The following ADAMTSL1 variants were observed in gnomAD, a reference collection of about 807,000 sequenced individuals.
ADAMTSL1 encodes ADAMTS-like protein 1.
In ADAMTSL1, 126 loss-of-function variants were observed where a neutral mutation model predicts 201.8. The ratio of observed to expected loss-of-function variants is 0.62; its 90% CI spans 0.54 to 0.72. The LOEUF is 0.72. Among genes scored for constraint, ADAMTSL1 ranks in the 30% least tolerant of loss-of-function variants. The pLI, the probability that ADAMTSL1 is intolerant of heterozygous loss-of-function variation, is 0.00. For synonymous variants in ADAMTSL1, 1,121 were observed against 903.4 expected (o/e 1.24, Z -4.32); for missense variants, 2,679 against 2,277.8 (o/e 1.18, Z -3.59).
At chr9:18,212,470 G>C (rs1407445576) in intron 2 of ADAMTSL1, among the ~76,000 whole-genome samples, 1 of 152,166 alleles carries the variant, frequency 6.6e-6, no homozygotes, top group East Asian at 1.9e-4. Context: ...CATAGAAAAA[G>C]TAATATTTTA....
chr9:18,084,589 G>A (rs112949827), intron 1 of ADAMTSL1, among the ~76,000 whole-genome samples: 3 of 152,058 alleles, frequency 2.0e-5, no homozygotes, highest in Admixed American at 6.6e-5. Flanking sequence ...TTTCATTAAT[G>A]TTTAATTCAT....
chr9:18,740,583 T>C (rs1421189890), intron 15 of ADAMTSL1, among the ~76,000 whole-genome samples: 3 of 151,178 alleles, frequency 2.0e-5, no homozygotes, highest in Admixed American at 2.0e-4. Context: ...TTCCAGCGAT[T>C]CTCCTGCCTC....
At chr9:17,981,836 A>G (rs1284507919) in intron 1 of ADAMTSL1, among the ~76,000 whole-genome samples, 1 of 152,122 alleles carries the variant, frequency 6.6e-6, no homozygotes, top group Non-Finnish European at 1.5e-5. Flanking sequence ...GGTGGGGTGA[A>G]AAAAGTGCTT....
At chr9:18,112,559 A>G (rs1436627566) in intron 1 of ADAMTSL1, among the ~76,000 whole-genome samples, 2 of 151,862 alleles carry the variant, frequency 1.3e-5, no homozygotes, top group African/African-American at 2.4e-5. Context: ...TCTAAAACCA[A>G]CTGCACCCAT....
At chr9:18,349,884 G>A (rs1835888444) in intron 2 of ADAMTSL1, among the ~76,000 whole-genome samples, 1 of 150,900 alleles carries the variant, frequency 6.6e-6, no homozygotes. Flanking sequence ...GTTAGTTTGA[G>A]AGATGCTTTC....
chr9:17,964,893 C>G (rs1401789564), intron 1 of ADAMTSL1, among the ~76,000 whole-genome samples: 2 of 151,914 alleles, frequency 1.3e-5, no homozygotes, highest in African/African-American at 2.4e-5. Context: ...TTTTTTGAGA[C>G]AGAGTCTTGC....
chr9:18,503,044 C>T (rs1822923092), intron 1 of ADAMTSL1, among the ~76,000 whole-genome samples: 1 of 152,040 alleles, frequency 6.6e-6, no homozygotes, highest in South Asian at 2.1e-4. Context: ...AATGTACTAA[C>T]ACAAAATTTA....
intron 2 of ADAMTSL1, among the ~76,000 whole-genome samples, chr9:18,230,475 C>A (rs1194759917): frequency 2.0e-5 from 3 of 152,002 alleles, no homozygotes; most frequent in Non-Finnish European, 4.4e-5. Context: ...TGGGGAAATG[C>A]CCTCATGTGG....
In ADAMTSL1 at chr9:18,713,337, G is replaced by A. The variant is rs202087558; in HGVS notation, c.1876+6289G>A. Among the ~76,000 whole-genome samples the A allele has an allele frequency of 1.8e-4, 27 of 152,298 alleles. No homozygotes were observed. In the East Asian group the frequency reaches 4.8e-3, roughly 27 times the overall value. On this transcript the variant is annotated intron_variant, in intron 14 of 28. Coordinates refer to ENST00000380548, the MANE Select transcript of ADAMTSL1 (RefSeq NM_001040272.6). ...ATAAAGAGTCAAGACCCATCAGTGT[G>A]CAGTATTCAGGAAACCCATCTCACG...
rs1004864534 is a variant in ADAMTSL1, at chr9:18,052,332, A to G, written c.88-111530A>G. On this transcript the variant is annotated intron_variant, in intron 1 of 29. Coordinates refer to the ADAMTSL1 transcript ENST00000680146. ...AGAATGAGCTACTAAGCTAGTGAAA[A>G]CAGGGTACTTACTTTAGGTTGAGAG... Among the ~76,000 whole-genome samples, 6 of 152,340 alleles carry G rather than the reference A, an allele frequency of 3.9e-5. No homozygotes were observed. The East Asian group carries it at 1.2e-3, about 29-fold the overall frequency.
At chr9:18,476,697 C>T (rs1821471989) in intron 1 of ADAMTSL1, among the ~76,000 whole-genome samples, 1 of 151,976 alleles carries the variant, frequency 6.6e-6, no homozygotes, top group African/African-American at 2.4e-5. Flanking sequence ...TTTTCATTTA[C>T]ACATTGCAAG....
chr9:18,512,042 T>TC (rs1818064351), intron 2 of ADAMTSL1, among the ~76,000 whole-genome samples: 1 of 152,224 alleles, frequency 6.6e-6, no homozygotes, highest in Non-Finnish European at 1.5e-5. Context: ...AAAAGAAAGA[T>TC]ATACAAGTTC....
chr9:18,777,267 T>G lies in ADAMTSL1; in HGVS notation c.3038T>G (p.Leu1013Arg). ...GGCAGCAAGGCGGAGAAGCGGGGCC[T>G]GGCCGCCAACCCGGGGAGCCGCTAC... ...SNGSKAEKRG[L>R]AANPGSRYDD... The change falls in exon 19 of 29, where the codon CTG becomes CGG. Residue 1013 changes from leucine to arginine, a missense_variant. Transcript: ENST00000380548. 2 of 1,610,290 alleles carry G rather than the reference T, an allele frequency of 1.2e-6. No homozygotes were observed. The highest frequency in any genetic ancestry group is 8.5e-7 in the Non-Finnish European group (1 of 1,178,848).
rs1830199618 is a variant in ADAMTSL1, at chr9:18,904,690, T to A, written c.4852-1092T>A. Among the ~76,000 whole-genome samples the A allele has an allele frequency of 1.4e-5, 2 of 140,994 alleles. 1 individual carries two copies. The highest frequency in any genetic ancestry group is 5.3e-5 in the African/African-American group (2 of 37,564). 92.5% of individuals were successfully genotyped at this position (140,994 alleles called of 152,430 possible). Reference sequence around the variant, plus strand: ...AAAAAAAAGGTCCGTTTATGTGTATTTTACGATTTAAAAAAAATCCCAGTC... The same window carrying A: ...AAAAAAAAGGTCCGTTTATGTGTATATTACGATTTAAAAAAAATCCCAGTC... On this transcript the variant is annotated intron_variant, in intron 26 of 28. Transcript: ENST00000380548.
intron 3 of ADAMTSL1, among the ~76,000 whole-genome samples, chr9:18,539,350 A>G (rs1819988466): frequency 6.6e-6 from 1 of 152,156 alleles, no homozygotes; most frequent in African/African-American, 2.4e-5. Context: ...ATAAAGTATG[A>G]CGCACGCTAT....
chr9:18,461,118 G>C (rs889954401), intron 2 of ADAMTSL1, among the ~76,000 whole-genome samples: 1 of 151,970 alleles, frequency 6.6e-6, no homozygotes, highest in Non-Finnish European at 1.5e-5. Context: ...ATCCAAGAAA[G>C]GTGCATCAAG....
At position 18,776,851 on chromosome 9, in the gene ADAMTSL1, C is replaced by G; in HGVS notation, c.2622C>G (p.Arg874=). 6.2e-7 allele frequency: 1 copy of G among 1,605,794 alleles called. No homozygotes were observed. The highest frequency in any genetic ancestry group is 1.1e-5 in the South Asian group (1 of 89,796). ...CCAGGAAGGTCTACATACAGACTCG[C>G]AGGCAGAGGAAGCTGCACTTCGTGG... ...AAARKVYIQT[R]RQRKLHFVVG... The change falls in exon 19 of 29, where the codon CGC becomes CGG. Residue 874 remains arginine, a synonymous_variant. Coordinates refer to ENST00000380548, the MANE Select transcript of ADAMTSL1 (RefSeq NM_001040272.6).
chr9:18,089,759 G>A (rs974896122), intron 1 of ADAMTSL1, among the ~76,000 whole-genome samples: 2 of 152,112 alleles, frequency 1.3e-5, no homozygotes, highest in African/African-American at 4.8e-5. Context: ...CTAGAGGGAG[G>A]AGAAACTGAG....
chr9:17,945,675 A>G (rs1827435533), intron 1 of ADAMTSL1, among the ~76,000 whole-genome samples: 1 of 152,178 alleles, frequency 6.6e-6, no homozygotes, highest in African/African-American at 2.4e-5. Context: ...AGGGACATGG[A>G]TGAGATTGGA....
Sources: allele counts gnomAD v4.1 joint callset (sites outside exome capture counted in the v4.1 genomes callset), GRCh38; gene constraint gnomAD v4.1.1; transcripts MANE v1.5; gene names NCBI Gene and HGNC (gene_info 2026-07-23, HGNC 2026-07-21).